DLGAP2: variants seen among roughly 807,000 people sequenced by gnomAD.
DLGAP2 encodes DLG associated protein 2, also known as disks large-associated protein 2.
Under a neutral mutation model 100.3 loss-of-function variants are expected in DLGAP2, and 26 were observed. That is an observed-to-expected ratio of 0.26 (90% CI 0.19 to 0.36). The LOEUF (loss-of-function observed/expected upper bound fraction) is 0.36, where lower values mean the gene tolerates loss of function less well. Among genes scored for constraint, DLGAP2 ranks in the 10% least tolerant of loss-of-function variants. DLGAP2 has a pLI of 1.00. For synonymous variants in DLGAP2, 886 were observed against 630.1 expected (o/e 1.41, Z -6.08); for missense variants, 1,858 against 1,453.2 (o/e 1.28, Z -4.53).
intron 2 of DLGAP2, among the ~76,000 whole-genome samples, chr8:926,156 G>C (rs995902611): frequency 6.6e-6 from 1 of 152,130 alleles, no homozygotes; most frequent in African/African-American, 2.4e-5. Context: ...TGAGCGGCTC[G>C]CCTGTGGTCG....
intron 3 of DLGAP2, among the ~76,000 whole-genome samples, chr8:1,373,366 T>G (rs36018196): frequency 6.6e-6 from 1 of 151,698 alleles, no homozygotes; most frequent in Non-Finnish European, 1.5e-5. Flanking sequence ...GGCCGCAGGT[T>G]GGGCAGCGCC....
intron 3 of DLGAP2, among the ~76,000 whole-genome samples, chr8:1,416,466 C>A (rs1431045937): frequency 6.6e-6 from 1 of 152,148 alleles, no homozygotes; most frequent in African/African-American, 2.4e-5. Flanking sequence ...GTCCATCAGG[C>A]GGAGAATCCG....
chr8:1,577,123 A>G (rs1057142575), intron 6 of DLGAP2, among the ~76,000 whole-genome samples: 2 of 152,206 alleles, frequency 1.3e-5, no homozygotes, highest in Non-Finnish European at 1.5e-5. Context: ...TTTCAGTATC[A>G]CTGAGTGAAT....
At chr8:744,585 G>T (rs1484647757) in intron 1 of DLGAP2, among the ~76,000 whole-genome samples, 2 of 149,146 alleles carry the variant, frequency 1.3e-5, no homozygotes, top group African/African-American at 5.0e-5. Context: ...CTGGCCGTCT[G>T]CTCCCCACGG....
chr8:1,028,760 C>G (rs902638317), intron 2 of DLGAP2, among the ~76,000 whole-genome samples: 3 of 152,200 alleles, frequency 2.0e-5, no homozygotes, highest in Admixed American at 6.5e-5. Flanking sequence ...GTTTTAAAGG[C>G]AGTGAGAATC....
In DLGAP2 at chr8:972,616, CTTAT is replaced by C. The variant is rs112414168; in HGVS notation, c.73+64675_73+64678del. ...AAAATATTTTTTTTTGTATTTTTTT[CTTAT>C]TTATTTATTTATTTATTTATTTATC... On this transcript the variant is annotated intron_variant, in intron 2 of 14. Transcript: ENST00000637795. Among the ~76,000 whole-genome samples, 472 of 150,178 alleles carry C rather than the reference CTTAT, an allele frequency of 3.1e-3. 2 individuals carry two copies. The highest frequency in any genetic ancestry group is 9.4e-3 in the African/African-American group (386 of 40,972).
At chr8:1,148,628 T>G (rs1391694435) in intron 2 of DLGAP2, among the ~76,000 whole-genome samples, 1 of 152,160 alleles carries the variant, frequency 6.6e-6, no homozygotes, top group Non-Finnish European at 1.5e-5. Context: ...TGAATGAGCT[T>G]CAGCTTAAAA....
intron 4 of DLGAP2, among the ~76,000 whole-genome samples, chr8:1,543,205 A>G (rs966438192): frequency 6.6e-6 from 1 of 152,146 alleles, no homozygotes; most frequent in Non-Finnish European, 1.5e-5. Flanking sequence ...TTTTAATTTT[A>G]GGTAGTTTAT....
intron 2 of DLGAP2, among the ~76,000 whole-genome samples, chr8:1,220,151 T>C (rs929773644): frequency 7.9e-5 from 12 of 152,126 alleles, no homozygotes; most frequent in Admixed American, 1.3e-4. Context: ...TTCTTCTACC[T>C]TTGGGTTAGG....
At chr8:1,489,465 A>T (rs927498366) in intron 3 of DLGAP2, among the ~76,000 whole-genome samples, 2 of 152,194 alleles carry the variant, frequency 1.3e-5, no homozygotes, top group African/African-American at 4.8e-5. Context: ...AGAAGGAAGG[A>T]AGCTGTACGT....
chr8:893,916 T>A (rs749537804), intron 1 of DLGAP2, among the ~76,000 whole-genome samples: 1 of 152,226 alleles, frequency 6.6e-6, no homozygotes, highest in African/African-American at 2.4e-5. Flanking sequence ...ATGGTTACTG[T>A]TGAAGCATTG....
chr8:1,144,932 CG>C (rs1489883468), intron 2 of DLGAP2, among the ~76,000 whole-genome samples: 4 of 150,714 alleles, frequency 2.7e-5, no homozygotes, highest in African/African-American at 9.7e-5. Flanking sequence ...ACAGTCAAAC[CG>C]CAGACGGCCT....
chr8:802,747 G>T (rs531274623), intron 1 of DLGAP2, among the ~76,000 whole-genome samples: 1 of 152,078 alleles, frequency 6.6e-6, no homozygotes, highest in Non-Finnish European at 1.5e-5. Flanking sequence ...TCTCTCAGAC[G>T]GTCACACACC....
chr8:975,449 G>A (rs941076833), intron 2 of DLGAP2, among the ~76,000 whole-genome samples: 1 of 151,992 alleles, frequency 6.6e-6, no homozygotes, highest in Admixed American at 6.5e-5. Flanking sequence ...TTAAAGAAAG[G>A]ATCACTGCAG....
intron 6 of DLGAP2, among the ~76,000 whole-genome samples, chr8:1,609,296 C>T (rs1400234266): frequency 1.4e-5 from 2 of 139,990 alleles, no homozygotes; most frequent in African/African-American, 2.5e-5. Context: ...AACTAAGCTT[C>T]ATAAGTGAAG....
intron 2 of DLGAP2, among the ~76,000 whole-genome samples, chr8:1,053,693 G>C (rs1487184036): frequency 6.6e-6 from 1 of 152,186 alleles, no homozygotes; most frequent in Non-Finnish European, 1.5e-5. Flanking sequence ...CTTTCTGCCT[G>C]ACATATTGGG....
At chr8:1,477,541 G>A (rs934897119) in intron 3 of DLGAP2, among the ~76,000 whole-genome samples, 2 of 152,330 alleles carry the variant, frequency 1.3e-5, no homozygotes, top group Admixed American at 6.5e-5. Context: ...CACAGCCTGA[G>A]AGCCGGCAGC....
At chr8:980,716 C>T (rs1044352488) in intron 2 of DLGAP2, among the ~76,000 whole-genome samples, 4 of 151,986 alleles carry the variant, frequency 2.6e-5, no homozygotes, top group Admixed American at 1.3e-4. Context: ...AGCTGGGTTC[C>T]GGGAGGACAC....
intron 3 of DLGAP2, among the ~76,000 whole-genome samples, chr8:1,449,062 C>A (rs117511799): frequency 0.012 from 1,883 of 152,206 alleles, 16 homozygotes; most frequent in Non-Finnish European, 0.019. Context: ...CATCCCGGCC[C>A]CCCAGAGCAG....
Sources: gnomAD v4.1 joint callset for allele counts (sites outside exome capture counted in the v4.1 genomes callset) on GRCh38, gnomAD v4.1.1 for gene constraint, MANE v1.5 for transcripts, NCBI Gene and HGNC (gene_info 2026-07-23, HGNC 2026-07-21) for gene names.